KCNB2: variants seen among roughly 807,000 people sequenced by gnomAD.
KCNB2 encodes potassium voltage-gated channel subfamily B member 2.
In KCNB2, 15 loss-of-function variants were observed where a neutral mutation model predicts 61.5. That is an observed-to-expected ratio of 0.24 (90% CI 0.16 to 0.38). The LOEUF is 0.38. Ranked by LOEUF, KCNB2 falls within the 10% of genes least tolerant of loss-of-function variation. KCNB2 has a pLI of 1.00. For missense variants in KCNB2, 828 were observed against 1,125.2 expected (o/e 0.74, Z 3.78); for synonymous variants, 457 against 446.0 (o/e 1.02, Z -0.31).
intron 2 of KCNB2, among the ~76,000 whole-genome samples, chr8:72,817,057 G>T (rs530157433): frequency 1.3e-5 from 2 of 152,276 alleles, no homozygotes; most frequent in East Asian, 3.9e-4. Context: ...ACCCTGATGT[G>T]TTAGGTACTG....
intron 2 of KCNB2, among the ~76,000 whole-genome samples, chr8:72,848,009 C>G (rs1197658892): frequency 6.6e-6 from 1 of 152,174 alleles, no homozygotes; most frequent in Non-Finnish European, 1.5e-5. Context: ...ACAAGCCAGG[C>G]CTGCCCTATT....
At chr8:72,840,478 A>G (rs1341217457) in intron 2 of KCNB2, among the ~76,000 whole-genome samples, 2 of 151,842 alleles carry the variant, frequency 1.3e-5, no homozygotes, top group Non-Finnish European at 2.9e-5. Context: ...TCCTTGTGGA[A>G]GCACACTGTC....
rs1439186284 is a variant in KCNB2, at chr8:72,663,173, CT to C, written c.579+94864del. On this transcript the variant is annotated intron_variant, in intron 2 of 2. Transcript: ENST00000523207. ...GTTCTTGTAGGTGGATTGACAAAGG[CT>C]TTTAGAGGTTCTATAACCTGTCTAC... is the stretch of plus-strand genomic sequence containing the variant. 3.3e-5 allele frequency among the ~76,000 whole-genome samples: 5 copies of C among 152,230 alleles called. No homozygotes were observed. In the South Asian group the frequency reaches 1.0e-3, roughly 32 times the overall value.
chr8:72,614,183 T>C (rs1805582685), intron 2 of KCNB2, among the ~76,000 whole-genome samples: 1 of 152,214 alleles, frequency 6.6e-6, no homozygotes, highest in Non-Finnish European at 1.5e-5. Flanking sequence ...CTCCCAGTGC[T>C]GTTTATTGGG....
At chr8:72,770,863 G>C (rs1191857978) in intron 2 of KCNB2, among the ~76,000 whole-genome samples, 3 of 152,200 alleles carry the variant, frequency 2.0e-5, no homozygotes, top group Non-Finnish European at 4.4e-5. Context: ...CTTCAGAACT[G>C]AGTCGATAGC....
At chr8:72,685,183 T>C (rs978094044) in intron 2 of KCNB2, among the ~76,000 whole-genome samples, 1 of 152,010 alleles carries the variant, frequency 6.6e-6, no homozygotes, top group Non-Finnish European at 1.5e-5. Context: ...TAGAAATGAA[T>C]TTGTATTCAT....
chr8:72,709,105 C>T (rs1807282053), intron 2 of KCNB2, among the ~76,000 whole-genome samples: 1 of 152,174 alleles, frequency 6.6e-6, no homozygotes, highest in Admixed American at 6.5e-5. Flanking sequence ...TTATTTACTT[C>T]CCCTTTACAT....
At chr8:72,600,174 C>G (rs1470781415) in intron 2 of KCNB2, among the ~76,000 whole-genome samples, 1 of 152,100 alleles carries the variant, frequency 6.6e-6, no homozygotes, top group Non-Finnish European at 1.5e-5. Context: ...TTCACAATAG[C>G]AAAGACTTGG....
intron 2 of KCNB2, among the ~76,000 whole-genome samples, chr8:72,705,700 A>T (rs574565804): frequency 1.2e-4 from 18 of 152,350 alleles, no homozygotes; most frequent in Non-Finnish European, 2.5e-4. Flanking sequence ...AAGCCAACTA[A>T]ACCACAGCAT....
chr8:72,938,167 C>A lies in KCNB2; in HGVS notation c.*76C>A. On this transcript the variant is annotated 3_prime_UTR_variant, in exon 3 of 3. Transcript: ENST00000523207. ...TTTCTTAAAAATGCGGTTAATAATG[C>A]CTGTGAACTAAAAAAATGGGAAGCC... 1.7e-6 allele frequency: 2 copies of A among 1,203,220 alleles called. No individual in the cohort carries two copies. The highest frequency in any genetic ancestry group is 2.4e-6 in the Non-Finnish European group (2 of 850,718). The allele number at this position is 1,203,220 out of a possible 1,614,324, so 74.5% of individuals were successfully genotyped here.
chr8:72,747,027 G>A (rs1808084598), intron 2 of KCNB2, among the ~76,000 whole-genome samples: 1 of 152,068 alleles, frequency 6.6e-6, no homozygotes, highest in Non-Finnish European at 1.5e-5. Flanking sequence ...TTTGTTTATT[G>A]AGATGTAGAA....
chr8:72,920,346 C>G (rs1275372777), intron 2 of KCNB2, among the ~76,000 whole-genome samples: 1 of 150,960 alleles, frequency 6.6e-6, no homozygotes, highest in Non-Finnish European at 1.5e-5. Context: ...TGGCCAGGCA[C>G]AGTGGCTCGT....
At chr8:72,861,959 G>T (rs188356886) in intron 2 of KCNB2, among the ~76,000 whole-genome samples, 38 of 152,226 alleles carry the variant, frequency 2.5e-4, no homozygotes, top group African/African-American at 8.9e-4. Flanking sequence ...ATTACTTGAG[G>T]TCAGGAGTTC....
At chr8:72,771,684 C>G (rs553511917) in intron 2 of KCNB2, among the ~76,000 whole-genome samples, 2 of 152,142 alleles carry the variant, frequency 1.3e-5, no homozygotes, top group East Asian at 3.9e-4. Flanking sequence ...AAGGAAACCT[C>G]TGGGATCAGA....
intron 2 of KCNB2, among the ~76,000 whole-genome samples, chr8:72,831,364 C>T (rs1015863700): frequency 6.6e-6 from 1 of 152,170 alleles, no homozygotes; most frequent in Admixed American, 6.5e-5. Context: ...CTTAGAAAGA[C>T]ACGATCAAAG....
rs545919982 is a variant in KCNB2, at chr8:72,619,104, A to G, written c.579+50791A>G. On this transcript the variant is annotated intron_variant, in intron 2 of 2. Transcript: ENST00000523207. ...ATCCTCTTTTTGACATTTTTCCAAT[A>G]TTAATGTTGCAGTTAGTTTTTTTTC... The G allele has an allele frequency of 1.0e-5, 3 of 295,778 alleles. 1 individual carries two copies. Among genetic ancestry groups the G allele is most frequent in the South Asian group, 9.4e-5 (3 of 31,846 alleles). 18.3% of individuals were successfully genotyped at this position (295,778 alleles called of 1,614,324 possible).
intron 2 of KCNB2, among the ~76,000 whole-genome samples, chr8:72,826,719 A>T (rs190283365): frequency 1.2e-4 from 18 of 152,314 alleles, no homozygotes; most frequent in African/African-American, 4.3e-4. Context: ...CCCTATTGGG[A>T]CATGATATTG....
chr8:72,669,282 T>G (rs1173766682), intron 2 of KCNB2, among the ~76,000 whole-genome samples: 1 of 152,232 alleles, frequency 6.6e-6, no homozygotes, highest in Non-Finnish European at 1.5e-5. Flanking sequence ...GCATTTGCAT[T>G]TCAACTGAAC....
intron 2 of KCNB2, among the ~76,000 whole-genome samples, chr8:72,642,604 T>G (rs1185342036): frequency 6.6e-6 from 1 of 152,078 alleles, no homozygotes; most frequent in Non-Finnish European, 1.5e-5. Context: ...GGAGGCAGGA[T>G]AGTTGCAACA....
Sources: allele counts gnomAD v4.1 joint callset (sites outside exome capture counted in the v4.1 genomes callset), GRCh38; gene constraint gnomAD v4.1.1; transcripts MANE v1.5; gene names NCBI Gene and HGNC (gene_info 2026-07-23, HGNC 2026-07-21).